The following NRG1 variants were observed in gnomAD, a reference collection of about 807,000 sequenced individuals.
The protein encoded by NRG1 is pro-neuregulin-1, membrane-bound isoform.
Under a neutral mutation model 63.8 loss-of-function variants are expected in NRG1, and 18 were observed. The observed-to-expected ratio is 0.28, with a 90% CI of 0.19 to 0.42. NRG1 has a LOEUF of 0.42. Ranked by LOEUF, NRG1 falls within the 10% of genes least tolerant of loss-of-function variation. NRG1 has a pLI of 1.00. For synonymous variants in NRG1, 302 were observed against 301.3 expected (o/e 1.00, Z -0.02); for missense variants, 762 against 814.7 (o/e 0.94, Z 0.79).
chr8:32,745,304 T>C (rs1247888988), intron 7 of NRG1, among the ~76,000 whole-genome samples: 1 of 152,148 alleles, frequency 6.6e-6, no homozygotes, highest in Non-Finnish European at 1.5e-5. Context: ...TAGGAAAAGA[T>C]AGTCCCCAGC....
chr8:32,356,182 A>T (rs1806362212), intron 1 of NRG1, among the ~76,000 whole-genome samples: 1 of 152,184 alleles, frequency 6.6e-6, no homozygotes, highest in Non-Finnish European at 1.5e-5. Context: ...AAAGATATTA[A>T]AGGGGAAGAT....
intron 9 of NRG1, 85 bp from the exon 10 acceptor site, chr8:32,759,221 A>G (rs2129057089): frequency 7.0e-7 from 1 of 1,427,874 alleles, no homozygotes; most frequent in Non-Finnish European, 9.5e-7. Context: ...GACAGTGTTA[A>G]CGTTTTTATT....
intron 1 of NRG1, among the ~76,000 whole-genome samples, chr8:31,807,232 C>G (rs1822373252): frequency 6.6e-6 from 1 of 152,218 alleles, no homozygotes; most frequent in African/African-American, 2.4e-5. Flanking sequence ...CTTGGCTACA[C>G]TCTCAGCTTT....
At chr8:32,257,988 G>A (rs960386422) in intron 1 of NRG1, among the ~76,000 whole-genome samples, 7 of 152,162 alleles carry the variant, frequency 4.6e-5, no homozygotes, top group African/African-American at 1.7e-4. Flanking sequence ...TGATTTAATA[G>A]CTATAGTCCA....
In NRG1 at chr8:32,021,710, G is replaced by A. The variant is rs1052946786; in HGVS notation, c.37+382279G>A. Among the ~76,000 whole-genome samples, 4 of 96,018 alleles carry A rather than the reference G, an allele frequency of 4.2e-5. No homozygotes were observed. In the South Asian group the frequency reaches 1.9e-3, roughly 46 times the overall value. The allele number at this position is 96,018 out of a possible 152,430, so 63.0% of individuals were successfully genotyped here. On this transcript the variant is annotated intron_variant, in intron 1 of 10. Transcript: ENST00000519301. ...AAAAGCCTTCAGAATCATAAAAAATGTATCTATCAATCTTAATATTTTATT... is the reference window on the plus strand; with the variant it reads ...AAAAGCCTTCAGAATCATAAAAAATATATCTATCAATCTTAATATTTTATT...
intron 1 of NRG1, among the ~76,000 whole-genome samples, chr8:32,354,809 A>G (rs1315192112): frequency 2.0e-5 from 3 of 150,988 alleles, no homozygotes; most frequent in Admixed American, 6.6e-5. Flanking sequence ...TTAAAAAAAA[A>G]AAAAACATAT....
intron 1 of NRG1, among the ~76,000 whole-genome samples, chr8:32,118,867 A>G (rs1464259759): frequency 6.6e-6 from 1 of 152,054 alleles, no homozygotes; most frequent in Non-Finnish European, 1.5e-5. Flanking sequence ...CTTGTACCTC[A>G]TCTGGTCCCA....
intron 1 of NRG1, among the ~76,000 whole-genome samples, chr8:31,729,303 G>A (rs1313157587): frequency 6.6e-6 from 1 of 151,448 alleles, no homozygotes; most frequent in African/African-American, 2.4e-5. Context: ...AATAGATTCT[G>A]CTTTCTACCT....
intron 1 of NRG1, among the ~76,000 whole-genome samples, chr8:32,488,702 G>T (rs1308159402): frequency 6.6e-6 from 1 of 152,174 alleles, no homozygotes; most frequent in Non-Finnish European, 1.5e-5. Flanking sequence ...ATTGTTCAGT[G>T]ATGCTCTCTT....
chr8:32,064,260 A>C (rs80181437), intron 1 of NRG1, among the ~76,000 whole-genome samples: 1 of 152,100 alleles, frequency 6.6e-6, no homozygotes, highest in Non-Finnish European at 1.5e-5. Flanking sequence ...AAATTATAAG[A>C]ATTATAAGGT....
chr8:31,776,667 C>A (rs1819173742), intron 1 of NRG1, among the ~76,000 whole-genome samples: 1 of 152,052 alleles, frequency 6.6e-6, no homozygotes, highest in East Asian at 1.9e-4. Flanking sequence ...TTAGGTATAT[C>A]TCCTAATGCT....
intron 1 of NRG1, among the ~76,000 whole-genome samples, chr8:32,182,610 A>C (rs550867900): frequency 6.6e-6 from 1 of 152,226 alleles, no homozygotes; most frequent in South Asian, 2.1e-4. Context: ...AATCCAGCTA[A>C]TTCTCGCACT....
In NRG1 at chr8:31,640,478, A is replaced by C; in HGVS notation, c.37+1047A>C. ...GAGGCGCCCTATCTGGTGAAGGTGC[A>C]CCAGGTGTGGGCGGTGAAAGCCGGG... On this transcript the variant is annotated intron_variant, in intron 1 of 10. Coordinates refer to the NRG1 transcript ENST00000519301. This position sits in a 1 kb window ranked among gnomAD's most constrained non-coding sequence, Gnocchi z 6.3. The C allele has an allele frequency of 3.1e-6, 5 of 1,604,476 alleles. No individual in the cohort carries two copies. The highest frequency in any genetic ancestry group is 2.5e-6 in the Non-Finnish European group (3 of 1,176,532).
chr8:32,220,645 A>G (rs1385776046), intron 1 of NRG1, among the ~76,000 whole-genome samples: 4 of 152,332 alleles, frequency 2.6e-5, no homozygotes, highest in Non-Finnish European at 5.9e-5. Flanking sequence ...ATATTTTCCA[A>G]AAATATCCTT....
chr8:32,767,431 G>A (rs889015176), exon 12 of NRG1: 1 of 152,166 alleles, frequency 6.6e-6, no homozygotes, highest in African/African-American at 2.4e-5. Context: ...ATTTCTATCT[G>A]CGAAGACCTA....
chr8:31,955,362 T>C (rs1353498361), intron 1 of NRG1, among the ~76,000 whole-genome samples: 1 of 152,246 alleles, frequency 6.6e-6, no homozygotes, highest in Non-Finnish European at 1.5e-5. Context: ...ACAGATCCTT[T>C]CATGCTTCAT....
rs180707420 is a variant in NRG1, at chr8:31,666,955, A to T, written c.37+27524A>T. ...CAACATGTTAACTCATTTAATCCTT[A>T]CAACAATTTTGTGAGGCAGGAACTA... On this transcript the variant is annotated intron_variant, in intron 1 of 10. Transcript: ENST00000519301. Among the ~76,000 whole-genome samples, 156 of 152,036 alleles carry T rather than the reference A, an allele frequency of 1.0e-3. 1 individual carries two copies. The highest frequency in any genetic ancestry group is 4.6e-3 in the South Asian group (22 of 4,822).
intron 1 of NRG1, among the ~76,000 whole-genome samples, chr8:32,475,030 C>A (rs192978251): frequency 2.0e-5 from 3 of 152,034 alleles, no homozygotes; most frequent in Non-Finnish European, 4.4e-5. Context: ...CATTATTTTT[C>A]GAATTTTGGC....
In NRG1 at chr8:31,686,368, GA is replaced by G. The variant is rs938833433; in HGVS notation, c.37+46945del. On this transcript the variant is annotated intron_variant, in intron 1 of 10. Coordinates refer to the NRG1 transcript ENST00000519301. ...TGTCACATGTGTCATTAAGCATTTA[GA>G]AAAAAAATGGCCTGGAATCTTCTTC... Among the ~76,000 whole-genome samples, 8 of 151,726 alleles carry G rather than the reference GA, an allele frequency of 5.3e-5. No individual in the cohort carries two copies. In the South Asian group the frequency reaches 1.5e-3, roughly 28 times the overall value.
Sources: gnomAD v4.1 joint callset for allele counts (sites outside exome capture counted in the v4.1 genomes callset) on GRCh38, gnomAD v4.1.1 for gene constraint, Gnocchi (gnomAD v3.1) non-coding constraint, MANE v1.5 for transcripts, NCBI Gene and HGNC (gene_info 2026-07-23, HGNC 2026-07-21) for gene names.